LRP5: variants seen among roughly 807,000 people sequenced by gnomAD.
LRP5 encodes LDL receptor related protein 5.
In LRP5, 62 loss-of-function variants were observed where a neutral mutation model predicts 154.1. The observed-to-expected ratio is 0.40, with a 90% CI of 0.33 to 0.50. LRP5 has a LOEUF of 0.50. Ranked by LOEUF, LRP5 falls within the 20% of genes least tolerant of loss-of-function variation. The pLI, the probability that LRP5 is intolerant of heterozygous loss-of-function variation, is 0.55. For missense variants in LRP5, 1,915 were observed against 2,336.7 expected (o/e 0.82, Z 3.72); for synonymous variants, 966 against 1,011.5 (o/e 0.96, Z 0.85).
Position 68,448,944 on chromosome 11 carries a change from A to AC in LRP5, c.4727dup (p.Pro1577ThrfsTer67). On this transcript the variant is annotated frameshift_variant, in exon 23 of 23. Coordinates refer to ENST00000294304, the MANE Select transcript of LRP5 (RefSeq NM_002335.4). LOFTEE classifies it high-confidence loss of function. ...TGAACTCGGACTCAGACCCCTATCC[A>AC]CCCCCACCCACGCCCCACAGCCAGT... 1 of 1,611,006 alleles carries AC rather than the reference A, an allele frequency of 6.2e-7. No individual in the cohort carries two copies. Among genetic ancestry groups the AC allele is most frequent in the Non-Finnish European group, 8.5e-7 (1 of 1,179,450 alleles).
intron 1 of LRP5, among the ~76,000 whole-genome samples, chr11:68,346,281 G>A (rs1246097805): frequency 6.6e-6 from 1 of 152,242 alleles, no homozygotes; most frequent in Non-Finnish European, 1.5e-5. Flanking sequence ...ATGACAGCAC[G>A]GGTGGGGCGG....
chr11:68,302,793 G>A, the LRP5 span, among the ~76,000 whole-genome samples: 25 of 152,334 alleles, frequency 1.6e-4, no homozygotes, highest in Admixed American at 6.5e-5. Flanking sequence ...GGGCCGTGGC[G>A]CTGAACAGGT....
chr11:68,347,711 G>T, intron 1 of LRP5, 136 bp from the exon 2 acceptor site: 1 of 1,078,760 alleles, frequency 9.3e-7, no homozygotes, highest in Non-Finnish European at 1.4e-6. Context: ...ACGCCTTAGG[G>T]GTGGGAGGAA....
Position 68,426,204 on chromosome 11 carries a change from A to T in LRP5, c.3637+17A>T. 1.2e-6 allele frequency: 2 copies of T among 1,605,578 alleles called. No homozygotes were observed. The highest frequency in any genetic ancestry group is 1.7e-6 in the Non-Finnish European group (2 of 1,177,018). On this transcript the variant is annotated intron_variant, in intron 16 of 22. Transcript: ENST00000294304. The stretch of plus-strand genomic sequence containing the variant: ...AGGAGTTCTGTACGTGGGGGCTGGC[A>T]GTGGGGTGGGCAGGGTGGCCTCTAA...
At chr11:68,347,033 G>GCCA (rs2098613574) in intron 1 of LRP5, among the ~76,000 whole-genome samples, 6 of 152,238 alleles carry the variant, frequency 3.9e-5, no homozygotes, top group Admixed American at 1.3e-4. Context: ...TGCAGAGGGA[G>GCCA]GTGAGGGAGC....
rs2098668058 is a variant in LRP5 at position 68,425,250 on chromosome 11, G to A, written c.3385G>A (p.Val1129Met). 6.2e-7 allele frequency: 1 copy of A among 1,611,628 alleles called. No individual in the cohort carries two copies. The highest frequency in any genetic ancestry group is 8.5e-7 in the Non-Finnish European group (1 of 1,179,980). ...VDNTLGKLFW[V>M]DADLKRIESC... The stretch of plus-strand genomic sequence containing the variant: ...CAACACACTGGGCAAGCTGTTCTGG[G>A]TGGACGCGGACCTGAAGCGCATTGA... The change falls in exon 15 of 23, where the codon GTG becomes ATG. Residue 1129 changes from valine (V) to methionine (M), a missense_variant. Physicochemically the swap from Val to Met is conservative, Grantham distance 21. Transcript: ENST00000294304.
chr11:68,369,213 G>T (rs887790212), intron 5 of LRP5, among the ~76,000 whole-genome samples: 1 of 152,178 alleles, frequency 6.6e-6, no homozygotes, highest in Non-Finnish European at 1.5e-5. Flanking sequence ...TTCTCTTTGT[G>T]TTTTTGCCAT....
chr11:68,423,624 G>C lies in LRP5; in HGVS notation c.3163G>C (p.Gly1055Arg). ...TNTINVHRLS[G>R]EAMGVVLRGD... ...TACCATCAACGTCCACAGGCTGAGC[G>C]GGGAAGCCATGGGGGTGGTGCTGCG... Residue 1055 changes from glycine (G) to arginine (R), a missense_variant, in exon 14 of 23, where the codon GGG becomes CGG. Physicochemically the swap from Gly to Arg is moderately radical, Grantham distance 125. This residue lies in a region of LRP5 where 1,094 missense variants were observed against 1,210.1 expected (regional missense o/e 0.90). Coordinates refer to ENST00000294304, the MANE Select transcript of LRP5 (RefSeq NM_002335.4). The surrounding 1 kb of genome is among the most constrained non-coding windows in gnomAD (Gnocchi z 4.7). 1 of 1,614,186 alleles carries C rather than the reference G, an allele frequency of 6.2e-7. No individual in the cohort carries two copies. The highest frequency in any genetic ancestry group is 8.5e-7 in the Non-Finnish European group (1 of 1,180,032).
Position 68,312,778 on chromosome 11 carries a change from C to T in LRP5, c.64C>T (p.Leu22=). Residue 22 remains leucine (L), a synonymous_variant, in exon 1 of 23, where the codon CTG becomes TTG. Coordinates refer to ENST00000294304, the MANE Select transcript of LRP5 (RefSeq NM_002335.4). ...GCTGCTGCTGCTGCTGCTGCTGGCG[C>T]TGTGCGGCTGCCCGGCCCCCGCCGC... ...LLLLLLLLLA[L]CGCPAPAAAS... The T allele has an allele frequency of 2.8e-6, 3 of 1,082,448 alleles. No homozygotes were observed. In the South Asian group the frequency reaches 8.3e-5, roughly 30 times the overall value. 67.1% of individuals were successfully genotyped at this position (1,082,448 alleles called of 1,614,324 possible).
At chr11:68,318,446 CCT>C (rs147556073) in intron 1 of LRP5, among the ~76,000 whole-genome samples, 176 of 151,636 alleles carry the variant, frequency 1.2e-3, no homozygotes, top group African/African-American at 4.1e-3. Flanking sequence ...CTGAAGCAAT[CCT>C]CTCACCTCAG....
intron 1 of LRP5, among the ~76,000 whole-genome samples, chr11:68,331,743 CTGTGTGTGTGTGTGTG>C (rs60278908): frequency 1.3e-4 from 19 of 148,252 alleles, no homozygotes; most frequent in South Asian, 4.3e-4. Flanking sequence ...TTCCTCTGGG[CTGTGTGTGTGTGTGTG>C]TGTGTGTGTG....
rs773836872 is a variant in LRP5, at chr11:68,406,819, G to A, written c.2091+6G>A. ...GGACAGACGTCAGCCTGAAGGTAGC[G>A]TGGGCCAGAACGTGCACACAGGCAG... On this transcript the variant is annotated splice_donor_region_variant and intron_variant, in intron 9 of 22. Coordinates refer to ENST00000294304, the MANE Select transcript of LRP5 (RefSeq NM_002335.4). The A allele has an allele frequency of 7.4e-6, 12 of 1,613,524 alleles. No individual in the cohort carries two copies. The highest frequency in any genetic ancestry group is 6.7e-5 in the Admixed American group (4 of 59,972).
intron 3 of LRP5, among the ~76,000 whole-genome samples, chr11:68,361,088 G>A (rs986763861): frequency 6.8e-6 from 1 of 147,132 alleles, no homozygotes; most frequent in Non-Finnish European, 1.5e-5. Flanking sequence ...GGCGGATCAC[G>A]AGGTCAGGAG....
intron 1 of LRP5, among the ~76,000 whole-genome samples, chr11:68,343,823 C>T (rs1053735729): frequency 2.6e-5 from 4 of 152,174 alleles, no homozygotes; most frequent in African/African-American, 7.2e-5. Context: ...CAGACCCCCT[C>T]GCGGCTGCCA....
the LRP5 span, among the ~76,000 whole-genome samples, chr11:68,300,686 C>T: frequency 6.7e-6 from 1 of 149,374 alleles, no homozygotes; most frequent in African/African-American, 2.4e-5. Context: ...GGACCTCGCC[C>T]TTGGTGGGGG....
upstream of LRP5, among the ~76,000 whole-genome samples, chr11:68,308,418 T>C (rs111312380): frequency 1.3e-3 from 198 of 152,326 alleles, no homozygotes; most frequent in African/African-American, 4.4e-3. Context: ...GAGCCCCTGT[T>C]ACTTCATTGG....
At chr11:68,418,278 G>A (rs1258652641) in intron 13 of LRP5, among the ~76,000 whole-genome samples, 13 of 152,038 alleles carry the variant, frequency 8.6e-5, no homozygotes, top group East Asian at 5.8e-4. Flanking sequence ...GGTGGCACGC[G>A]CCTGTAGTCC....
chr11:68,329,260 C>T (rs1179884144), intron 1 of LRP5, among the ~76,000 whole-genome samples: 1 of 152,178 alleles, frequency 6.6e-6, no homozygotes, highest in African/African-American at 2.4e-5. Context: ...AAATAGCTAA[C>T]ATTTGTTGTG....
upstream of LRP5, among the ~76,000 whole-genome samples, chr11:68,312,100 A>G (rs1258489856): frequency 6.6e-6 from 1 of 152,238 alleles, no homozygotes; most frequent in Non-Finnish European, 1.5e-5. Context: ...ACTAAGGTAG[A>G]GGGTACACAT....
Sources: gnomAD v4.1 joint callset for allele counts (sites outside exome capture counted in the v4.1 genomes callset) on GRCh38, gnomAD v4.1.1 for gene constraint, gnomAD v4.1.1 regional missense constraint, Gnocchi (gnomAD v3.1) non-coding constraint, MANE v1.5 for transcripts, NCBI Gene and HGNC (gene_info 2026-07-23, HGNC 2026-07-21) for gene names.